HOOK1: variants seen among roughly 807,000 people sequenced by gnomAD.
The protein encoded by HOOK1 is protein Hook homolog 1.
Under a neutral mutation model 112.8 loss-of-function variants are expected in HOOK1, and 60 were observed. That is an observed-to-expected ratio of 0.53 (90% CI 0.43 to 0.66). HOOK1 has a LOEUF of 0.66. Among genes scored for constraint, HOOK1 ranks in the 30% least tolerant of loss-of-function variants. The pLI, the probability that HOOK1 is intolerant of heterozygous loss-of-function variation, is 0.00. For synonymous variants in HOOK1, 294 were observed against 283.8 expected (o/e 1.04, Z -0.36); for missense variants, 770 against 856.0 (o/e 0.90, Z 1.25).
At chr1:59,837,602 T>A (rs1018181508) in intron 7 of HOOK1, among the ~76,000 whole-genome samples, 1 of 152,190 alleles carries the variant, frequency 6.6e-6, no homozygotes, top group Non-Finnish European at 1.5e-5. Flanking sequence ...CTCTAATACT[T>A]GTAAAAATAT....
intron 8 of HOOK1, among the ~76,000 whole-genome samples, chr1:59,842,173 A>AT (rs3835663): frequency 0.051 from 7,724 of 151,942 alleles, 210 homozygotes; most frequent in African/African-American, 0.072. Flanking sequence ...TCTGTCAGTC[A>AT]TTTTTTGACA....
At chr1:59,854,026 ATATATATATATATTTTTT>A (rs1444214472) in intron 12 of HOOK1, among the ~76,000 whole-genome samples, 1 of 22,712 alleles carries the variant, frequency 4.4e-5, no homozygotes, top group Non-Finnish European at 9.1e-5. Flanking sequence ...ATATATATAT[ATATATATATATATTTTTT>A]TTTTTTTTTT....
intron 20 of HOOK1, among the ~76,000 whole-genome samples, chr1:59,869,276 C>T (rs1644016832): frequency 6.6e-6 from 1 of 151,924 alleles, no homozygotes; most frequent in Non-Finnish European, 1.5e-5. Flanking sequence ...ACTGCAACCT[C>T]CGCCTCCCAG....
chr1:59,854,029 TATA>T (rs2098408963), intron 12 of HOOK1, among the ~76,000 whole-genome samples: 4 of 30,060 alleles, frequency 1.3e-4, no homozygotes, highest in Non-Finnish European at 2.1e-4. Flanking sequence ...TATATATATA[TATA>T]TATATATTTT....
intron 12 of HOOK1, among the ~76,000 whole-genome samples, chr1:59,849,428 A>G (rs938176092): frequency 6.6e-6 from 1 of 151,610 alleles, no homozygotes; most frequent in African/African-American, 2.4e-5. Flanking sequence ...CTAATTCTAG[A>G]CTGTCAGTTG....
intron 8 of HOOK1, among the ~76,000 whole-genome samples, chr1:59,840,814 G>A (rs2098400665): frequency 6.6e-6 from 1 of 152,024 alleles, no homozygotes; most frequent in South Asian, 2.1e-4. Flanking sequence ...AGTCTCTTAT[G>A]GCAAATTTTT....
chr1:59,856,868 G>A (rs1000466036), intron 12 of HOOK1, among the ~76,000 whole-genome samples: 1 of 152,082 alleles, frequency 6.6e-6, no homozygotes, highest in Admixed American at 6.6e-5. Context: ...ATCCAGTGCT[G>A]AGACAATGCG....
intron 16 of HOOK1, among the ~76,000 whole-genome samples, chr1:59,864,294 T>G (rs181698685): frequency 6.6e-6 from 1 of 151,980 alleles, no homozygotes; most frequent in African/African-American, 2.4e-5. Context: ...TTAAAATATT[T>G]TAATGTTTGA....
chr1:59,835,554 A>G, intron 6 of HOOK1, 142 bp downstream of exon 6: 1 of 559,748 alleles, frequency 1.8e-6, no homozygotes, highest in East Asian at 3.1e-5. Context: ...TTCCTTTTTT[A>G]CCCCCAAAAA....
At chr1:59,838,176 G>A (rs2098398997) in intron 7 of HOOK1, among the ~76,000 whole-genome samples, 1 of 152,172 alleles carries the variant, frequency 6.6e-6, no homozygotes, top group South Asian at 2.1e-4. Flanking sequence ...TGTCTTTGTA[G>A]TAGAATGATT....
chr1:59,835,259 G>A, intron 5 of HOOK1, 86 bp from the exon 6 acceptor site: 1 of 762,002 alleles, frequency 1.3e-6, no homozygotes, highest in Non-Finnish European at 2.3e-6. Flanking sequence ...GTGGGTAGAT[G>A]AATTTTTATA....
rs2098405717 is a variant in HOOK1 at position 59,849,085 on chromosome 1, C to T, written c.1144C>T (p.His382Tyr). The T allele has an allele frequency of 6.2e-6, 10 of 1,604,336 alleles. No homozygotes were observed. Among genetic ancestry groups the T allele is most frequent in the Non-Finnish European group, 8.5e-6 (10 of 1,174,018 alleles). The part of the protein sequence containing the change: ...ETYKRQVQDL[H>Y]VKLSSESKRA... ...TTTCTGACATTAGGTTCAAGATCTTCATGTTAAACTTTCCTCCGAATCCAA... is the reference window on the plus strand; with the variant it reads ...TTTCTGACATTAGGTTCAAGATCTTTATGTTAAACTTTCCTCCGAATCCAA... Residue 382 changes from histidine (H) to tyrosine (Y), a missense_variant, in exon 12 of 22, where the codon CAT becomes TAT. Coordinates refer to ENST00000371208, the MANE Select transcript of HOOK1 (RefSeq NM_015888.6).
chr1:59,823,895 C>A (rs1185069284), intron 2 of HOOK1, among the ~76,000 whole-genome samples: 4 of 152,224 alleles, frequency 2.6e-5, no homozygotes, highest in Non-Finnish European at 5.9e-5. Context: ...TTCTCTGTCA[C>A]CATTAACAAA....
chr1:59,869,658 G>A (rs1333471838), intron 20 of HOOK1, among the ~76,000 whole-genome samples: 1 of 152,024 alleles, frequency 6.6e-6, no homozygotes, highest in Non-Finnish European at 1.5e-5. Flanking sequence ...TACATCCATA[G>A]TACAACACCA....
intron 6 of HOOK1, 73 bp from the exon 7 acceptor site, chr1:59,836,800 C>A: frequency 1.2e-6 from 1 of 865,822 alleles, no homozygotes; most frequent in Non-Finnish European, 1.8e-6. Context: ...ATTTTACTAT[C>A]CTTTCAAGAA....
intron 20 of HOOK1, among the ~76,000 whole-genome samples, chr1:59,869,843 G>A (rs1005463327): frequency 6.6e-6 from 1 of 152,062 alleles, no homozygotes. Context: ...TATTCCTTAG[G>A]GGAGGTTTAA....
chr1:59,855,719 C>T (rs1198009215), intron 12 of HOOK1, among the ~76,000 whole-genome samples: 2 of 151,086 alleles, frequency 1.3e-5, no homozygotes, highest in African/African-American at 4.9e-5. Flanking sequence ...TGATGGGAGT[C>T]CTACAGCTCT....
At chr1:59,863,535 C>T (rs921416401) in intron 16 of HOOK1, among the ~76,000 whole-genome samples, 2 of 152,064 alleles carry the variant, frequency 1.3e-5, no homozygotes, top group African/African-American at 2.4e-5. Context: ...CTATACCTAG[C>T]AACTTTTCTA....
rs950561044 is a variant in HOOK1, at chr1:59,865,465, T to C, written c.1744+220T>C. The stretch of plus-strand genomic sequence containing the variant: ...ATGAATTGATGGATATATGGGAGTA[T>C]CAAACATTAAAAAATAAGATTAATC... On this transcript the variant is annotated intron_variant, in intron 18 of 21. Transcript: ENST00000371208. 2.0e-5 allele frequency among the ~76,000 whole-genome samples: 3 copies of C among 152,092 alleles called. No homozygotes were observed. The East Asian group carries it at 5.8e-4, about 29-fold the overall frequency.
Sources: allele counts gnomAD v4.1 joint callset (sites outside exome capture counted in the v4.1 genomes callset), GRCh38; gene constraint gnomAD v4.1.1; transcripts MANE v1.5; gene names NCBI Gene and HGNC (gene_info 2026-07-23, HGNC 2026-07-21).